LEPROTL1: variants seen among roughly 807,000 people sequenced by gnomAD.
LEPROTL1 encodes the protein leptin receptor overlapping transcript-like 1.
Under a neutral mutation model 15.4 loss-of-function variants are expected in LEPROTL1, and 6 were observed. The observed-to-expected ratio is 0.39, with a 90% CI of 0.21 to 0.77. The LOEUF (loss-of-function observed/expected upper bound fraction) is 0.77. Ranked by LOEUF, LEPROTL1 falls within the 30% of genes least tolerant of loss-of-function variation. The pLI, the probability that LEPROTL1 is intolerant of heterozygous loss-of-function variation, is 0.41. For missense variants in LEPROTL1, 128 were observed against 158.1 expected (o/e 0.81, Z 1.02); for synonymous variants, 56 against 52.6 (o/e 1.06, Z -0.28).
intron 3 of LEPROTL1, among the ~76,000 whole-genome samples, chr8:30,123,605 C>G (rs566690019): frequency 6.6e-6 from 1 of 152,342 alleles, no homozygotes; most frequent in African/African-American, 2.4e-5. Context: ...CTCCGTCTCT[C>G]TCTCACTCAC....
rs536576797 is a variant in LEPROTL1 at position 30,132,069 on chromosome 8, C to T, written c.280-306C>T. On this transcript the variant is annotated intron_variant, in intron 3 of 4. Transcript: ENST00000442880. The stretch of plus-strand genomic sequence containing the variant: ...AGAGACTCCTGACCTCCACAGCCAG[C>T]ATGATGTAGGCAATGATCAACTGGG... The T allele has an allele frequency of 3.7e-4, 568 of 1,551,780 alleles. 8 individuals are homozygous for T. The South Asian group carries it at 6.4e-3, about 18-fold the overall frequency.
intron 1 of LEPROTL1, among the ~76,000 whole-genome samples, chr8:30,096,788 G>A (rs1293548773): frequency 6.6e-6 from 1 of 152,138 alleles, no homozygotes; most frequent in Non-Finnish European, 1.5e-5. Flanking sequence ...AACTGATGAA[G>A]GTGCCTCAGG....
chr8:30,117,600 C>T (rs761523256), intron 3 of LEPROTL1: 28 of 1,444,388 alleles, frequency 1.9e-5, no homozygotes, highest in South Asian at 9.1e-5. Context: ...AACAATTTTC[C>T]CAGCTCTGTG....
intron 3 of LEPROTL1, chr8:30,117,618 A>G (rs1012169252): frequency 1.4e-5 from 20 of 1,458,802 alleles, no homozygotes; most frequent in African/African-American, 9.7e-5. Flanking sequence ...GTGATCATCA[A>G]TGATTTCAAA....
chr8:30,112,401 A>AT (rs10684450), downstream of LEPROTL1, among the ~76,000 whole-genome samples: 441 of 27,872 alleles, frequency 0.016, 33 homozygotes, highest in African/African-American at 0.043. Flanking sequence ...TGCCCAGCTA[A>AT]TTTTTTTTTT....
chr8:30,129,921 A>G (rs1585479240), intron 3 of LEPROTL1, among the ~76,000 whole-genome samples: 2 of 152,076 alleles, frequency 1.3e-5, no homozygotes, highest in Admixed American at 1.3e-4. Context: ...GAGCAGGAGG[A>G]AGAGAAAGAG....
At chr8:30,102,731 A>G (rs1318977326) in intron 2 of LEPROTL1, among the ~76,000 whole-genome samples, 1 of 152,168 alleles carries the variant, frequency 6.6e-6, no homozygotes, top group Non-Finnish European at 1.5e-5. Flanking sequence ...GATAAATTAG[A>G]AAAAGATGGA....
intron 3 of LEPROTL1, among the ~76,000 whole-genome samples, chr8:30,122,472 T>C (rs1336401114): frequency 6.6e-6 from 1 of 152,130 alleles, no homozygotes; most frequent in Admixed American, 6.6e-5. Flanking sequence ...ACTTTAGAGT[T>C]AGTTTGTCAA....
intron 3 of LEPROTL1, 58 bp downstream of exon 3, chr8:30,104,544 T>G: frequency 1.6e-6 from 2 of 1,222,592 alleles, no homozygotes; most frequent in Non-Finnish European, 2.2e-6. Flanking sequence ...TACATTTTTC[T>G]CAAGCAAAGT....
At chr8:30,102,376 T>G (rs1854254473) in intron 2 of LEPROTL1, among the ~76,000 whole-genome samples, 1 of 150,302 alleles carries the variant, frequency 6.7e-6, no homozygotes. Context: ...TCCGGCCGGG[T>G]GCGGTGGCTC....
chr8:30,105,708 T>C, intron 3 of LEPROTL1, 38 bp from the exon 4 acceptor site: 2 of 1,573,900 alleles, frequency 1.3e-6, no homozygotes, highest in Non-Finnish European at 1.7e-6. Flanking sequence ...TCCTTTCGTT[T>C]TTCATGCCTG....
chr8:30,118,855 G>A (rs913866859), intron 3 of LEPROTL1, among the ~76,000 whole-genome samples: 18 of 152,256 alleles, frequency 1.2e-4, no homozygotes, highest in African/African-American at 2.6e-4. Flanking sequence ...CACGTAGGCC[G>A]GATTTATGCT....
At chr8:30,108,964 C>T (rs1292391475), downstream of LEPROTL1, among the ~76,000 whole-genome samples, 1 of 152,058 alleles carries the variant, frequency 6.6e-6, no homozygotes, top group Non-Finnish European at 1.5e-5. Context: ...GGGGTTTTGC[C>T]ATGTTGGCCA....
intron 4 of LEPROTL1, chr8:30,132,858 C>T (rs989895855): frequency 2.3e-5 from 35 of 1,549,812 alleles, no homozygotes; most frequent in African/African-American, 2.7e-5. Context: ...GAGAGAGGGA[C>T]GTGACCCTCT....
intron 3 of LEPROTL1, among the ~76,000 whole-genome samples, chr8:30,122,358 C>A (rs1802843095): frequency 6.6e-6 from 1 of 152,136 alleles, no homozygotes; most frequent in South Asian, 2.1e-4. Context: ...GTTGACCAGG[C>A]TAGTCTCAAA....
At chr8:30,095,568 C>A in intron 1 of LEPROTL1, 40 bp downstream of exon 1, 1 of 1,341,618 alleles carries the variant, frequency 7.5e-7, no homozygotes, top group Non-Finnish European at 9.6e-7. Context: ...CTGGGGCCGG[C>A]GGGGGAAGAT....
chr8:30,122,899 A>T (rs913391406), intron 3 of LEPROTL1, among the ~76,000 whole-genome samples: 3 of 152,202 alleles, frequency 2.0e-5, no homozygotes, highest in African/African-American at 4.8e-5. Context: ...AGCATAGCAA[A>T]CCACCCAAAA....
chr8:30,095,504 G>A lies in LEPROTL1; in HGVS notation c.-9G>A. 2.1e-6 allele frequency: 3 copies of A among 1,461,130 alleles called. No individual in the cohort carries two copies. The highest frequency in any genetic ancestry group is 1.5e-5 in the African/African-American group (1 of 67,998). 90.5% of individuals were successfully genotyped at this position (1,461,130 alleles called of 1,614,324 possible). Reference sequence around the variant, plus strand: ...CTCGGGTCGTGGAGCCAGGAGCGACGTCACCGCCATGGCAGGCATCAAAGG... The same window carrying A: ...CTCGGGTCGTGGAGCCAGGAGCGACATCACCGCCATGGCAGGCATCAAAGG... On this transcript the variant is annotated 5_prime_UTR_variant, in exon 1 of 4. Transcript: ENST00000321250.
At chr8:30,132,075 G>A (rs1420408539) in intron 3 of LEPROTL1, 1 of 1,551,798 alleles carries the variant, frequency 6.4e-7, no homozygotes. Context: ...CCAGCATGAT[G>A]TAGGCAATGA....
Sources: gnomAD v4.1 joint callset for allele counts (sites outside exome capture counted in the v4.1 genomes callset) on GRCh38, gnomAD v4.1.1 for gene constraint, MANE v1.5 for transcripts, NCBI Gene and HGNC (gene_info 2026-07-23, HGNC 2026-07-21) for gene names.